Variants in JUP observed in about 807,000 individuals in gnomAD.
JUP encodes the protein junction plakoglobin.
A neutral mutation model predicts 71.1 loss-of-function variants in JUP; 28 were observed. The observed-to-expected ratio is 0.39, with a 90% confidence interval of 0.29 to 0.54. The LOEUF (loss-of-function observed/expected upper bound fraction) is 0.54. Ranked by LOEUF, JUP falls within the 20% of genes least tolerant of loss-of-function variation. The pLI is 0.62. For missense variants in JUP, 869 were observed against 1,030.1 expected, an observed-to-expected ratio of 0.84 and a Z score of 2.14; for synonymous variants, 401 against 438.9, an observed-to-expected ratio of 0.91 and a Z score of 1.08.
At chr17:41,783,001 A>G (rs1284621133) in intron 1 of JUP, among the ~76,000 whole-genome samples, 3 of 151,692 alleles carry the variant, frequency 2.0e-5, no homozygotes. Flanking sequence ...GGAGGCTGAG[A>G]CAGGAGAATC....
At chr17:41,763,912 G>C (rs1159373484) in intron 7 of JUP, among the ~76,000 whole-genome samples, 2 of 152,284 alleles carry the variant, frequency 1.3e-5, no homozygotes, top group South Asian at 4.1e-4. Context: ...CTTTGGGGAC[G>C]GACAGTCCTG....
intron 12 of JUP, among the ~76,000 whole-genome samples, chr17:41,756,481 T>C (rs1913770432): frequency 6.6e-6 from 1 of 152,022 alleles, no homozygotes; most frequent in African/African-American, 2.4e-5. Context: ...AGGCCTGTAA[T>C]CCCAGCTACT....
At chr17:41,766,721 G>A (rs782177457) in intron 5 of JUP, among the ~76,000 whole-genome samples, 10 of 152,070 alleles carry the variant, frequency 6.6e-5, no homozygotes, top group Non-Finnish European at 1.3e-4. Context: ...TGGGTGTGGT[G>A]GCGGGCACCT....
At chr17:41,761,462 A>G (rs1555601194) in intron 8 of JUP, among the ~76,000 whole-genome samples, 1 of 152,128 alleles carries the variant, frequency 6.6e-6, no homozygotes, top group East Asian at 1.9e-4. Flanking sequence ...CCTCTCGTCT[A>G]CACCCAGTGG....
At chr17:41,761,543 G>A (rs1914806640) in intron 8 of JUP, among the ~76,000 whole-genome samples, 1 of 152,110 alleles carries the variant, frequency 6.6e-6, no homozygotes, top group African/African-American at 2.4e-5. Flanking sequence ...CAGGTGCAGT[G>A]GCTCACACCT....
At chr17:41,773,502 C>T (rs567831806) in intron 1 of JUP, among the ~76,000 whole-genome samples, 135 of 152,324 alleles carry the variant, frequency 8.9e-4, no homozygotes, top group African/African-American at 2.8e-3. Context: ...CCACCTCAGA[C>T]GGCAGACCCC....
chr17:41,764,957 C>T lies in JUP; in HGVS notation c.1020G>A (p.Val340=), dbSNP rs782185020. The T allele has an allele frequency of 1.9e-6, 3 of 1,614,198 alleles. No individual in the cohort carries two copies. In the South Asian group the frequency reaches 3.3e-5, roughly 18 times the overall value. ...CAATGGCAGGCTTATTGCTGGGACACACGGATAGCACCTTGAGCACACGAC... is the reference window on the plus strand; with the variant it reads ...CAATGGCAGGCTTATTGCTGGGACATACGGATAGCACCTTGAGCACACGAC... The part of the protein sequence containing the change: ...TTSRVLKVLS[V]CPSNKPAIVE... Residue 340 remains valine, a synonymous_variant, in exon 6 of 14, where the codon GTG becomes GTA. Coordinates refer to ENST00000393931, the MANE Select transcript of JUP (RefSeq NM_002230.4).
intron 2 of JUP, among the ~76,000 whole-genome samples, chr17:41,770,009 C>G (rs566168063): frequency 6.6e-6 from 1 of 151,630 alleles, no homozygotes; most frequent in South Asian, 2.1e-4. Flanking sequence ...AAGGTAAGTA[C>G]TATCACTGGC....
Position 41,769,006 on chromosome 17 carries a change from T to G in JUP, c.670A>C (p.Lys224Gln). The change falls in exon 4 of 14, where the codon AAG becomes CAG. Residue 224 changes from lysine (K) to glutamine (Q), a missense_variant. Coordinates refer to ENST00000393931, the MANE Select transcript of JUP (RefSeq NM_002230.4). ...HHREGLLAIF[K>Q]SGGIPALVRM... ...ACCAGAGCAGGGATGCCACCCGACTTGAAGATGGCGAGCAGCCCCTCCCGG... is the reference window on the plus strand; with the variant it reads ...ACCAGAGCAGGGATGCCACCCGACTGGAAGATGGCGAGCAGCCCCTCCCGG... 1.2e-6 allele frequency: 2 copies of G among 1,609,984 alleles called. No homozygotes were observed. The highest frequency in any genetic ancestry group is 1.7e-6 in the Non-Finnish European group (2 of 1,178,488).
intron 10 of JUP, 105 bp from the exon 11 acceptor site, chr17:41,757,889 T>C: frequency 1.0e-6 from 1 of 964,326 alleles, no homozygotes; most frequent in Non-Finnish European, 1.5e-6. Flanking sequence ...AGCAATTCCA[T>C]AGTGGAAAAT....
chr17:41,775,104 T>G (rs1243239729), intron 1 of JUP, among the ~76,000 whole-genome samples: 2 of 142,196 alleles, frequency 1.4e-5, no homozygotes, highest in Non-Finnish European at 3.1e-5. Context: ...AGACCCTGTC[T>G]CAAAAAAAAA....
rs534941603 is a variant in JUP at position 41,755,037 on chromosome 17, T to C, written c.*707A>G. The C allele has an allele frequency of 3.5e-5, 13 of 366,524 alleles. No individual in the cohort carries two copies. Among genetic ancestry groups the C allele is most frequent in the African/African-American group, 2.7e-4 (13 of 48,058 alleles). The allele number at this position is 366,524 out of a possible 1,614,324, so 22.7% of individuals were successfully genotyped here. ...ATTTTGGGGGTTTGGGTCTCGAACCTGGGCCCTGGAGGCCCTGGGGGCTTA... is the reference window on the plus strand; with the variant it reads ...ATTTTGGGGGTTTGGGTCTCGAACCCGGGCCCTGGAGGCCCTGGGGGCTTA... On this transcript the variant is annotated 3_prime_UTR_variant, in exon 14 of 14. Transcript: ENST00000393931.
At chr17:41,772,051 C>T (rs1916742959) in intron 1 of JUP, 189 bp from the exon 2 acceptor site, 6 of 671,794 alleles carry the variant, frequency 8.9e-6, no homozygotes, top group South Asian at 1.7e-5. Flanking sequence ...CTGCCCACGA[C>T]GAGATACCCT....
At chr17:41,772,149 G>A (rs1597836638) in intron 1 of JUP, 1 of 514,730 alleles carries the variant, frequency 1.9e-6, no homozygotes. Flanking sequence ...CAGGGGGCAG[G>A]ACAGTCAAGG....
chr17:41,784,579 G>A (rs1440054502), intron 1 of JUP, among the ~76,000 whole-genome samples: 3 of 152,144 alleles, frequency 2.0e-5, no homozygotes, highest in Admixed American at 6.6e-5. Context: ...GGGAAAGCAG[G>A]TTATTTTTGC....
chr17:41,761,601 C>T (rs1914817832), intron 8 of JUP, among the ~76,000 whole-genome samples: 1 of 152,050 alleles, frequency 6.6e-6, no homozygotes, highest in African/African-American at 2.4e-5. Flanking sequence ...CACCAGAAGT[C>T]AGGAGTTCAA....
chr17:41,757,557 A>G (rs1555598765), intron 11 of JUP, 21 bp from the exon 12 acceptor site: 8 of 1,614,176 alleles, frequency 5.0e-6, no homozygotes, highest in Non-Finnish European at 6.8e-6. Flanking sequence ...AGGAAAGGAA[A>G]AGCCAGGTTA....
At chr17:41,764,027 G>T (rs138266090) in intron 7 of JUP, among the ~76,000 whole-genome samples, 1 of 152,308 alleles carries the variant, frequency 6.6e-6, no homozygotes, top group East Asian at 1.9e-4. Flanking sequence ...TCTAACCCCA[G>T]GTTGAATGAG....
chr17:41,762,848 C>A, intron 8 of JUP, 135 bp downstream of exon 8: 3 of 721,168 alleles, frequency 4.2e-6, no homozygotes, highest in Non-Finnish European at 4.8e-6. Context: ...TAAACTATTA[C>A]ACGAGAGAGA....
Sources: gnomAD v4.1 joint callset for allele counts (sites outside exome capture counted in the v4.1 genomes callset) on GRCh38, gnomAD v4.1.1 for gene constraint, MANE v1.5 for transcripts, NCBI Gene and HGNC (gene_info 2026-07-23, HGNC 2026-07-21) for gene names.